The following FHIT variants were observed in gnomAD, a reference collection of about 807,000 sequenced individuals.
FHIT encodes the protein fragile histidine triad diadenosine triphosphatase, also known as bis(5'-adenosyl)-triphosphatase.
Under a neutral mutation model 17.9 loss-of-function variants are expected in FHIT, and 19 were observed. That is an observed-to-expected ratio of 1.06 (90% CI 0.74 to 1.56). The LOEUF (loss-of-function observed/expected upper bound fraction) is 1.56. FHIT is among the 40% of genes most tolerant of loss of function. FHIT has a pLI of 0.00. For synonymous variants in FHIT, 81 were observed against 69.7 expected, an observed-to-expected ratio of 1.16 and a Z score of -0.81; for missense variants, 248 against 189.2, an observed-to-expected ratio of 1.31 and a Z score of -1.82.
At chr3:60,173,995 C>G (rs1475605190) in intron 5 of FHIT, among the ~76,000 whole-genome samples, 7 of 144,818 alleles carry the variant, frequency 4.8e-5, no homozygotes, top group African/African-American at 1.5e-4. Flanking sequence ...TTCACTGCAA[C>G]CTCCGCCTCC....
chr3:60,378,477 T>C (rs546583471), intron 5 of FHIT, among the ~76,000 whole-genome samples: 2 of 152,324 alleles, frequency 1.3e-5, no homozygotes, highest in South Asian at 4.1e-4. Flanking sequence ...TCATTTTTCT[T>C]CTCAGAGTAG....
At chr3:60,323,231 CA>C (rs1186328389) in intron 5 of FHIT, among the ~76,000 whole-genome samples, 6 of 152,256 alleles carry the variant, frequency 3.9e-5, no homozygotes, top group Non-Finnish European at 7.3e-5. Context: ...CACTGTTTCA[CA>C]TTCATGAAAT....
intron 5 of FHIT, among the ~76,000 whole-genome samples, chr3:60,085,540 A>AT (rs1703459226): frequency 6.6e-6 from 1 of 152,034 alleles, no homozygotes; most frequent in African/African-American, 2.4e-5. Context: ...TTCTAATGTT[A>AT]TTTTTTTCCT....
At chr3:59,807,229 G>A (rs550071833) in intron 8 of FHIT, among the ~76,000 whole-genome samples, 1 of 152,188 alleles carries the variant, frequency 6.6e-6, no homozygotes, top group Admixed American at 6.5e-5. Context: ...CAGGATCCTA[G>A]TGCAATCTTC....
chr3:60,450,552 A>T (rs995253475), intron 5 of FHIT, among the ~76,000 whole-genome samples: 1 of 152,158 alleles, frequency 6.6e-6, no homozygotes, highest in African/African-American at 2.4e-5. Flanking sequence ...GGGATGCTGG[A>T]TTTTCATAAT....
At chr3:60,864,765 A>T (rs991637035) in intron 3 of FHIT, among the ~76,000 whole-genome samples, 6 of 152,156 alleles carry the variant, frequency 3.9e-5, no homozygotes, top group African/African-American at 1.4e-4. Context: ...ACATTGTTTC[A>T]GGGGATATTA....
intron 3 of FHIT, among the ~76,000 whole-genome samples, chr3:60,828,481 G>A (rs1702202428): frequency 6.6e-6 from 1 of 152,074 alleles, no homozygotes; most frequent in South Asian, 2.1e-4. Flanking sequence ...AGGGGCTAGG[G>A]TACATAGGTG....
intron 3 of FHIT, among the ~76,000 whole-genome samples, chr3:60,883,894 G>T (rs1705087160): frequency 6.6e-6 from 1 of 152,160 alleles, no homozygotes; most frequent in African/African-American, 2.4e-5. Context: ...CATCTGTACA[G>T]CAAAGGAGAC....
chr3:60,044,220 G>T (rs374903181), intron 5 of FHIT, among the ~76,000 whole-genome samples: 6 of 152,282 alleles, frequency 3.9e-5, no homozygotes, highest in South Asian at 2.1e-4. Flanking sequence ...AGACGTGACA[G>T]ATCTTAATTA....
intron 8 of FHIT, among the ~76,000 whole-genome samples, chr3:59,785,561 C>T (rs569738555): frequency 5.7e-4 from 87 of 152,208 alleles, no homozygotes; most frequent in African/African-American, 1.6e-3. Flanking sequence ...TCAAGTGATC[C>T]GCCCACCTTG....
intron 5 of FHIT, among the ~76,000 whole-genome samples, chr3:60,199,807 C>G (rs1011092082): frequency 6.6e-6 from 1 of 152,172 alleles, no homozygotes; most frequent in Admixed American, 6.5e-5. Flanking sequence ...GAGTAGGTAA[C>G]CTACAATTCT....
chr3:60,406,113 A>T (rs752954520), intron 5 of FHIT, among the ~76,000 whole-genome samples: 19 of 152,358 alleles, frequency 1.2e-4, no homozygotes, highest in Non-Finnish European at 2.2e-4. Flanking sequence ...TATGCTAAAC[A>T]TCTTTTAAAA....
intron 5 of FHIT, among the ~76,000 whole-genome samples, chr3:60,090,587 G>A (rs1262896149): frequency 6.6e-6 from 1 of 152,152 alleles, no homozygotes; most frequent in African/African-American, 2.4e-5. Flanking sequence ...ACAAGTAATT[G>A]AAGGGAAGGG....
chr3:60,024,874 G>C (rs1376604596), intron 5 of FHIT, among the ~76,000 whole-genome samples: 2 of 152,224 alleles, frequency 1.3e-5, no homozygotes, highest in Non-Finnish European at 2.9e-5. Context: ...GGAGAGTGGA[G>C]ATGTATGACA....
At chr3:59,956,311 A>T (rs1323587321) in intron 7 of FHIT, among the ~76,000 whole-genome samples, 2 of 151,940 alleles carry the variant, frequency 1.3e-5, no homozygotes, top group African/African-American at 4.8e-5. Flanking sequence ...TCCCAGGAGG[A>T]TCACCTGAGC....
chr3:60,453,083 A>G (rs1215843811), intron 5 of FHIT, among the ~76,000 whole-genome samples: 1 of 152,208 alleles, frequency 6.6e-6, no homozygotes, highest in Non-Finnish European at 1.5e-5. Context: ...ATACCATTAG[A>G]AAGATTTTGA....
At chr3:60,129,131 C>A (rs1699407923) in intron 5 of FHIT, among the ~76,000 whole-genome samples, 2 of 143,126 alleles carry the variant, frequency 1.4e-5, no homozygotes, top group African/African-American at 5.1e-5. Context: ...TGGCTCACTG[C>A]AACCTCCGCC....
intron 5 of FHIT, among the ~76,000 whole-genome samples, chr3:60,069,830 C>T (rs1702688209): frequency 6.6e-6 from 1 of 152,170 alleles, no homozygotes; most frequent in African/African-American, 2.4e-5. Flanking sequence ...CCTTTCCAAG[C>T]ACTTTCACAC....
chr3:60,296,060 C>A (rs1403099426), intron 5 of FHIT, among the ~76,000 whole-genome samples: 1 of 152,092 alleles, frequency 6.6e-6, no homozygotes, highest in Non-Finnish European at 1.5e-5. Context: ...TCTTTCTCAC[C>A]TCCTTTCATG....
Sources: gnomAD v4.1 joint callset for allele counts (sites outside exome capture counted in the v4.1 genomes callset) on GRCh38, gnomAD v4.1.1 for gene constraint, MANE v1.5 for transcripts, NCBI Gene and HGNC (gene_info 2026-07-23, HGNC 2026-07-21) for gene names.